The following MYO16 variants were observed in gnomAD, a reference collection of about 807,000 sequenced individuals.
The protein encoded by MYO16 is myosin XVI.
In MYO16, 94 loss-of-function variants were observed where a neutral mutation model predicts 205.3. That is an observed-to-expected ratio of 0.46 (90% CI 0.39 to 0.54). MYO16 has a LOEUF of 0.54. Ranked by LOEUF, MYO16 falls within the 20% of genes least tolerant of loss-of-function variation. The pLI is 0.00. For synonymous variants in MYO16, 988 were observed against 954.0 expected (o/e 1.04, Z -0.66); for missense variants, 2,315 against 2,387.5 (o/e 0.97, Z 0.63).
intron 4 of MYO16, among the ~76,000 whole-genome samples, chr13:108,756,461 ACT>A (rs747574308): frequency 9.9e-5 from 15 of 151,936 alleles, no homozygotes; most frequent in Non-Finnish European, 1.0e-4. Flanking sequence ...TCTGTGATTT[ACT>A]CTGTTCATTT....
At chr13:109,081,574 C>T (rs907099271) in intron 27 of MYO16, among the ~76,000 whole-genome samples, 13 of 152,066 alleles carry the variant, frequency 8.5e-5, no homozygotes, top group African/African-American at 2.9e-4. Context: ...CCCGCAGGGG[C>T]CTTGAGCAAC....
intron 23 of MYO16, among the ~76,000 whole-genome samples, chr13:109,026,401 A>G (rs1886362942): frequency 6.6e-6 from 1 of 152,114 alleles, no homozygotes; most frequent in Non-Finnish European, 1.5e-5. Flanking sequence ...CCAGGAGCCA[A>G]GGAACACCTG....
At chr13:109,053,165 G>A (rs989974715) in intron 25 of MYO16, among the ~76,000 whole-genome samples, 3 of 151,948 alleles carry the variant, frequency 2.0e-5, no homozygotes, top group African/African-American at 7.3e-5. Flanking sequence ...TAAAAGATGA[G>A]GAATATATTT....
At chr13:109,134,128 A>G (rs373556600) in intron 31 of MYO16, among the ~76,000 whole-genome samples, 2 of 152,188 alleles carry the variant, frequency 1.3e-5, no homozygotes, top group Non-Finnish European at 2.9e-5. Flanking sequence ...TAAGCTAAGT[A>G]TCTTTCATCT....
At chr13:109,083,451 G>A (rs1888344194) in intron 27 of MYO16, among the ~76,000 whole-genome samples, 1 of 143,990 alleles carries the variant, frequency 6.9e-6, no homozygotes, top group African/African-American at 2.6e-5. Context: ...AAAAAGCAAG[G>A]GTTATTATGA....
In MYO16 at chr13:108,844,326, G is replaced by A; in HGVS notation, c.1098-17G>A. ...TTAGAAAGAGACTAATTGTAGTATTGATTTTTTTTCCTGTAGCAGTCCCCT... is the reference window on the plus strand; with the variant it reads ...TTAGAAAGAGACTAATTGTAGTATTAATTTTTTTTCCTGTAGCAGTCCCCT... On this transcript the variant is annotated splice_polypyrimidine_tract_variant and intron_variant, in intron 9 of 34. Transcript: ENST00000457511. 5 of 1,598,962 alleles carry A rather than the reference G, an allele frequency of 3.1e-6. No individual in the cohort carries two copies. The highest frequency in any genetic ancestry group is 4.3e-6 in the Non-Finnish European group (5 of 1,170,022).
At chr13:109,151,940 AG>A (rs1347363118) in intron 32 of MYO16, among the ~76,000 whole-genome samples, 2 of 152,232 alleles carry the variant, frequency 1.3e-5, no homozygotes, top group African/African-American at 2.4e-5. Context: ...GACGTGCTGG[AG>A]GGGGTCAGAC....
At chr13:108,593,222 A>G (rs895886219), upstream of MYO16, among the ~76,000 whole-genome samples, 8 of 152,178 alleles carry the variant, frequency 5.3e-5, no homozygotes, top group Non-Finnish European at 1.2e-4. Context: ...AACACATAGC[A>G]GCATTAAAAT....
Position 109,164,928 on chromosome 13 carries a change from G to A in MYO16, c.5192G>A (p.Ser1731Asn). ...EGFETNMNIS[S>N]RDDPSTSEIT... ...TTTGAAACTAACATGAACATAAGTA[G>A]CCGAGATGACCCTAGTACGTCAGAA... The change falls in exon 33 of 35, where the codon AGC (serine) becomes AAC (asparagine). Residue 1731 changes from serine (S) to asparagine (N), a missense_variant. Coordinates refer to ENST00000457511, the MANE Select transcript of MYO16 (RefSeq NM_001198950.3). The A allele has an allele frequency of 1.3e-6, 2 of 1,588,100 alleles. No individual in the cohort carries two copies. Among genetic ancestry groups the A allele is most frequent in the Non-Finnish European group, 1.7e-6 (2 of 1,170,580 alleles).
At chr13:109,139,640 T>C (rs1049521415) in intron 31 of MYO16, among the ~76,000 whole-genome samples, 6 of 152,232 alleles carry the variant, frequency 3.9e-5, no homozygotes, top group Admixed American at 3.9e-4. Context: ...AAGAAATTCT[T>C]GGCCCTTTTA....
chr13:108,963,849 C>T (rs1033963992), intron 19 of MYO16, among the ~76,000 whole-genome samples: 1 of 152,230 alleles, frequency 6.6e-6, no homozygotes, highest in Admixed American at 6.5e-5. Flanking sequence ...CCTCCTCAGT[C>T]ACATGGCTCT....
At chr13:108,615,593 C>T (rs1022263796) in intron 1 of MYO16, among the ~76,000 whole-genome samples, 3 of 151,900 alleles carry the variant, frequency 2.0e-5, no homozygotes, top group African/African-American at 4.8e-5. Flanking sequence ...TGTGGTATAC[C>T]CATTGCAATT....
the MYO16 span, among the ~76,000 whole-genome samples, chr13:108,573,457 A>G: frequency 1.6e-4 from 25 of 152,246 alleles, no homozygotes; most frequent in Admixed American, 2.0e-4. Context: ...TATAATTTGC[A>G]TATGCAACAT....
chr13:109,068,067 A>G (rs909883800), intron 27 of MYO16, among the ~76,000 whole-genome samples: 1 of 152,222 alleles, frequency 6.6e-6, no homozygotes, highest in Admixed American at 6.5e-5. Context: ...TGATTATTCC[A>G]GGAAAATAAA....
At chr13:109,023,919 AATAC>A (rs200863650) in intron 23 of MYO16, among the ~76,000 whole-genome samples, 7,724 of 140,642 alleles carry the variant, frequency 0.055, 238 homozygotes, top group Non-Finnish European at 0.064. Context: ...ATAAGTATAA[AATAC>A]ATAAATATAA....
chr13:108,731,673 A>G (rs1054371190), intron 4 of MYO16, among the ~76,000 whole-genome samples: 2 of 152,246 alleles, frequency 1.3e-5, no homozygotes, highest in Non-Finnish European at 2.9e-5. Flanking sequence ...ACAAAGTAAT[A>G]TATCTATTAG....
chr13:108,870,962 G>C (rs1879021531), intron 12 of MYO16, among the ~76,000 whole-genome samples: 1 of 151,834 alleles, frequency 6.6e-6, no homozygotes, highest in Non-Finnish European at 1.5e-5. Flanking sequence ...GTTTCTATTT[G>C]TGATTTCTTT....
the MYO16 span, among the ~76,000 whole-genome samples, chr13:108,504,627 C>T: frequency 6.6e-6 from 1 of 151,906 alleles, no homozygotes; most frequent in Non-Finnish European, 1.5e-5. Flanking sequence ...CCTCTGCCTC[C>T]TGGGTTCAAG....
chr13:108,680,870 ATT>A (rs1316862970), intron 2 of MYO16, among the ~76,000 whole-genome samples: 1 of 152,176 alleles, frequency 6.6e-6, no homozygotes, highest in Non-Finnish European at 1.5e-5. Context: ...TATATTTTGC[ATT>A]TGTGTAGTGA....
Sources: allele counts gnomAD v4.1 joint callset (sites outside exome capture counted in the v4.1 genomes callset), GRCh38; gene constraint gnomAD v4.1.1; transcripts MANE v1.5; gene names NCBI Gene and HGNC (gene_info 2026-07-23, HGNC 2026-07-21).